The following SEMA6D variants were observed in gnomAD, a reference collection of about 807,000 sequenced individuals.
SEMA6D encodes semaphorin 6D, also known as semaphorin-6D.
SEMA6D carries 35 observed loss-of-function variants against 106.6 expected under a neutral mutation model. The observed-to-expected ratio is 0.33, with a 90% CI of 0.25 to 0.44. SEMA6D has a LOEUF of 0.44. SEMA6D is among the 20% of genes least tolerant of loss of function. The pLI is 1.00. For synonymous variants in SEMA6D, 499 were observed against 487.7 expected (o/e 1.02, Z -0.31); for missense variants, 1,185 against 1,345.9 (o/e 0.88, Z 1.87).
chr15:47,251,508 A>G (rs1032581347), intron 1 of SEMA6D, among the ~76,000 whole-genome samples: 2 of 152,192 alleles, frequency 1.3e-5, no homozygotes, highest in Non-Finnish European at 2.9e-5. Flanking sequence ...TACCATTTCC[A>G]ATTGCCATCC....
At chr15:47,535,311 A>G (rs2045124152) in intron 3 of SEMA6D, among the ~76,000 whole-genome samples, 1 of 152,286 alleles carries the variant, frequency 6.6e-6, no homozygotes, top group Middle Eastern at 3.4e-3. Flanking sequence ...GTGTTCACCT[A>G]TCCCACAGAT....
At chr15:47,441,880 A>G (rs1420657456) in intron 2 of SEMA6D, among the ~76,000 whole-genome samples, 1 of 152,026 alleles carries the variant, frequency 6.6e-6, no homozygotes, top group Non-Finnish European at 1.5e-5. Context: ...CCACATCTCT[A>G]CACTCAGAGA....
chr15:47,274,685 T>C, intron 1 of SEMA6D: 1 of 152,372 alleles, frequency 6.6e-6, no homozygotes, highest in Non-Finnish European at 1.5e-5. Flanking sequence ...GGAAAGTATC[T>C]TAGATGTTGC....
At chr15:47,290,968 T>C (rs1184530949) in intron 1 of SEMA6D, among the ~76,000 whole-genome samples, 1 of 152,276 alleles carries the variant, frequency 6.6e-6, no homozygotes, top group Non-Finnish European at 1.5e-5. Flanking sequence ...ACCATTTATG[T>C]GATACCGTCT....
intron 1 of SEMA6D, among the ~76,000 whole-genome samples, chr15:47,218,386 C>G (rs2030867030): frequency 6.6e-6 from 1 of 152,046 alleles, no homozygotes; most frequent in Non-Finnish European, 1.5e-5. Flanking sequence ...TTCAGTCAAC[C>G]CTATTATGGG....
chr15:47,324,730 A>G (rs2143816402), intron 1 of SEMA6D, among the ~76,000 whole-genome samples: 1 of 151,046 alleles, frequency 6.6e-6, no homozygotes, highest in South Asian at 2.1e-4. Flanking sequence ...ATATATGCAT[A>G]TGAATGTGTG....
Position 47,759,915 on chromosome 15 carries a change from G to T in SEMA6D, c.109+8G>T, listed in dbSNP as rs757522124. ...ATACTGTCGACTATCACTGTAAGTCGTCTCAAGAACAGTCTTCTATTCTGA... is the reference window on the plus strand; with the variant it reads ...ATACTGTCGACTATCACTGTAAGTCTTCTCAAGAACAGTCTTCTATTCTGA... On this transcript the variant is annotated splice_region_variant and intron_variant, in intron 2 of 18. Coordinates refer to ENST00000536845, the MANE Select transcript of SEMA6D (RefSeq NM_001358351.3). 3.2e-6 allele frequency: 5 copies of T among 1,580,898 alleles called. No individual in the cohort carries two copies. Among genetic ancestry groups the T allele is most frequent in the Non-Finnish European group, 4.3e-6 (5 of 1,150,128 alleles).
intron 2 of SEMA6D, among the ~76,000 whole-genome samples, chr15:47,442,797 G>T (rs1453325872): frequency 2.0e-5 from 3 of 152,156 alleles, no homozygotes; most frequent in Non-Finnish European, 4.4e-5. Flanking sequence ...CACCTTTTGT[G>T]GGTGTTGATT....
At chr15:47,718,123 G>A (rs989674239) in intron 1 of SEMA6D, among the ~76,000 whole-genome samples, 1 of 152,210 alleles carries the variant, frequency 6.6e-6, no homozygotes, top group African/African-American at 2.4e-5. Context: ...GCACATAGCT[G>A]GGGTTAGCAG....
At chr15:47,187,845 T>C (rs1302111300) in intron 1 of SEMA6D, among the ~76,000 whole-genome samples, 1 of 152,112 alleles carries the variant, frequency 6.6e-6, no homozygotes, top group Non-Finnish European at 1.5e-5. Context: ...AGAACAACTT[T>C]TATTAAACCT....
chr15:47,727,531 C>T (rs1290928937), intron 1 of SEMA6D, among the ~76,000 whole-genome samples: 1 of 152,188 alleles, frequency 6.6e-6, no homozygotes, highest in African/African-American at 2.4e-5. Flanking sequence ...TGGCAGGCCA[C>T]TCAGTAGTAG....
chr15:47,473,725 C>T (rs975615256), intron 3 of SEMA6D, among the ~76,000 whole-genome samples: 1 of 152,080 alleles, frequency 6.6e-6, no homozygotes, highest in African/African-American at 2.4e-5. Flanking sequence ...GCCTGGGGTC[C>T]CCTGGAAGGA....
chr15:47,192,935 T>G (rs962026514), intron 1 of SEMA6D, among the ~76,000 whole-genome samples: 1 of 152,220 alleles, frequency 6.6e-6, no homozygotes, highest in African/African-American at 2.4e-5. Context: ...CCAAATTTCA[T>G]AGAATTAACT....
At chr15:47,463,495 C>A (rs895939180) in intron 2 of SEMA6D, among the ~76,000 whole-genome samples, 1 of 152,158 alleles carries the variant, frequency 6.6e-6, no homozygotes, top group Non-Finnish European at 1.5e-5. Flanking sequence ...AGTTTCTCAA[C>A]CCTTTGCAAT....
intron 3 of SEMA6D, chr15:47,581,293 G>C (rs755013073): frequency 4.4e-5 from 21 of 479,514 alleles, no homozygotes; most frequent in Non-Finnish European, 7.5e-5. Context: ...TTTACATTGT[G>C]CAATTTCATG....
At chr15:47,251,837 T>C (rs1252213324) in intron 1 of SEMA6D, among the ~76,000 whole-genome samples, 1 of 152,020 alleles carries the variant, frequency 6.6e-6, no homozygotes, top group East Asian at 1.9e-4. Context: ...CATGTGTTTA[T>C]TAATATTTGC....
intron 1 of SEMA6D, chr15:47,399,539 AG>A (rs1218181077): frequency 6.6e-6 from 1 of 152,230 alleles, no homozygotes; most frequent in African/African-American, 2.4e-5. Flanking sequence ...CCAAATGTGG[AG>A]GACCAATAAA....
At chr15:47,491,335 A>C (rs1285559476) in intron 3 of SEMA6D, among the ~76,000 whole-genome samples, 1 of 152,202 alleles carries the variant, frequency 6.6e-6, no homozygotes, top group African/African-American at 2.4e-5. Context: ...ATAACACATA[A>C]ACTAGTATTA....
chr15:47,632,339 G>T (rs1460135776), intron 4 of SEMA6D, among the ~76,000 whole-genome samples: 1 of 151,968 alleles, frequency 6.6e-6, no homozygotes, highest in Admixed American at 6.6e-5. Context: ...TAATTGTATT[G>T]TTCAGATCTT....
Sources: allele counts gnomAD v4.1 joint callset (sites outside exome capture counted in the v4.1 genomes callset), GRCh38; gene constraint gnomAD v4.1.1; transcripts MANE v1.5; gene names NCBI Gene and HGNC (gene_info 2026-07-23, HGNC 2026-07-21).